The following KIAA1549L variants were observed in gnomAD, a reference collection of about 807,000 sequenced individuals.
KIAA1549L encodes the protein UPF0606 protein KIAA1549L.
A neutral mutation model predicts 160.7 loss-of-function variants in KIAA1549L; 88 were observed. That is an observed-to-expected ratio of 0.55 (90% CI 0.46 to 0.65). The LOEUF (loss-of-function observed/expected upper bound fraction) is 0.65. Ranked by LOEUF, KIAA1549L falls within the 30% of genes least tolerant of loss-of-function variation. The probability of loss-of-function intolerance (pLI) is 0.00; values close to 1 mark genes in which losing one functional copy is unlikely to be tolerated. For synonymous variants in KIAA1549L, 950 were observed against 976.7 expected (o/e 0.97, Z 0.51); for missense variants, 2,258 against 2,437.5 (o/e 0.93, Z 1.55).
rs1487382357 is a variant in KIAA1549L at position 33,618,588 on chromosome 11, C to A, written c.5335C>A (p.Pro1779Thr). Residue 1779 changes from proline to threonine, a missense_variant, in exon 16 of 21, where the codon CCA becomes ACA. Pro to Thr is a conservative substitution (Grantham distance 38). This residue lies in a region of KIAA1549L where 1,359 missense variants were observed against 1,546.6 expected (regional missense o/e 0.88). Coordinates refer to ENST00000658780, the MANE Select transcript of KIAA1549L (RefSeq NM_012194.3). Reference protein sequence around the residue: ...RSRQSLNSPSPGETEMDLLVT... With the variant: ...RSRQSLNSPSTGETEMDLLVT... ...CCGGCAGTCTCTGAACAGCCCGAGT[C>A]CAGGGGAAACCGAGATGGACCTTCT... is the stretch of plus-strand genomic sequence containing the variant. 9 of 1,611,164 alleles carry A rather than the reference C, an allele frequency of 5.6e-6. No individual in the cohort carries two copies. Among genetic ancestry groups the A allele is most frequent in the Non-Finnish European group, 7.6e-6 (9 of 1,178,334 alleles).
At chr11:33,566,231 C>A (rs750734122) in intron 8 of KIAA1549L, among the ~76,000 whole-genome samples, 8 of 152,046 alleles carry the variant, frequency 5.3e-5, no homozygotes. Flanking sequence ...ATAAAATAAT[C>A]CCTGATGACA....
chr11:33,482,991 C>T (rs1454100657), intron 1 of KIAA1549L, among the ~76,000 whole-genome samples: 2 of 152,170 alleles, frequency 1.3e-5, no homozygotes, highest in South Asian at 4.1e-4. Flanking sequence ...ACATAAGCCA[C>T]TATCCAGCTC....
chr11:33,552,283 C>T (rs371277005), intron 6 of KIAA1549L, 42 bp downstream of exon 6: 51 of 1,573,764 alleles, frequency 3.2e-5, no homozygotes, highest in Middle Eastern at 1.7e-4. Flanking sequence ...TGACAGACAA[C>T]CACAATGCAG....
intron 6 of KIAA1549L, among the ~76,000 whole-genome samples, chr11:33,557,127 A>G (rs571701635): frequency 6.6e-6 from 1 of 152,202 alleles, no homozygotes; most frequent in East Asian, 1.9e-4. Flanking sequence ...AGCTGGGACT[A>G]AAGGCATGCA....
At chr11:33,562,176 G>A (rs550336620) in intron 8 of KIAA1549L, among the ~76,000 whole-genome samples, 34 of 152,340 alleles carry the variant, frequency 2.2e-4, no homozygotes, top group African/African-American at 7.9e-4. Flanking sequence ...GGTCTTGACA[G>A]TGAGAGTGTT....
chr11:33,552,232 G>C lies in KIAA1549L; in HGVS notation c.3846G>C (p.Leu1282Phe). 1 of 1,600,806 alleles carries C rather than the reference G, an allele frequency of 6.2e-7. No individual in the cohort carries two copies. The highest frequency in any genetic ancestry group is 8.5e-7 in the Non-Finnish European group (1 of 1,173,354). The change falls in exon 6 of 21, where the codon TTG becomes TTC. Residue 1282 changes from leucine to phenylalanine, a missense_variant. By Grantham distance (22) the Leu-to-Phe change is conservative. Coordinates refer to ENST00000658780, the MANE Select transcript of KIAA1549L (RefSeq NM_012194.3). ...ERKVLNTKSN[L>F]TIQIVSTSNA... is the part of the protein sequence containing the mutation. Reference sequence around the variant, plus strand: ...AAGTCCTGAATACCAAAAGCAACTTGACAATTCAGGTAGGGAGGAAGGTGC... The same window carrying C: ...AAGTCCTGAATACCAAAAGCAACTTCACAATTCAGGTAGGGAGGAAGGTGC...
chr11:33,554,711 A>G (rs989689159), intron 6 of KIAA1549L, among the ~76,000 whole-genome samples: 4 of 152,184 alleles, frequency 2.6e-5, no homozygotes, highest in Non-Finnish European at 5.9e-5. Context: ...AAATGTCCCA[A>G]TGAACTAGGC....
At chr11:33,660,832 T>TA in intron 19 of KIAA1549L, 31 bp from the exon 20 acceptor site, 2 of 1,610,926 alleles carry the variant, frequency 1.2e-6, no homozygotes, top group Non-Finnish European at 1.7e-6. Flanking sequence ...CAGCCTCTCT[T>TA]AACCTCCCTC....
At chr11:33,545,735 A>G (rs948268818) in intron 3 of KIAA1549L, among the ~76,000 whole-genome samples, 1 of 152,184 alleles carries the variant, frequency 6.6e-6, no homozygotes, top group African/African-American at 2.4e-5. Flanking sequence ...TAGTCCTAGG[A>G]TCAGTCCTGA....
At chr11:33,479,316 G>T (rs561699544) in intron 1 of KIAA1549L, among the ~76,000 whole-genome samples, 2 of 152,360 alleles carry the variant, frequency 1.3e-5, no homozygotes, top group East Asian at 3.9e-4. Context: ...CTGCCACCTG[G>T]CCTTCCTTCA....
intron 1 of KIAA1549L, among the ~76,000 whole-genome samples, chr11:33,463,641 A>G (rs906554354): frequency 1.1e-4 from 16 of 152,220 alleles, no homozygotes; most frequent in Non-Finnish European, 1.6e-4. Flanking sequence ...TGGATCACAG[A>G]TAATCTAAAC....
At chr11:33,480,163 C>T (rs1233919698) in intron 1 of KIAA1549L, among the ~76,000 whole-genome samples, 1 of 152,142 alleles carries the variant, frequency 6.6e-6, no homozygotes, top group African/African-American at 2.4e-5. Context: ...ATTCAAATTA[C>T]AAGTTCATTT....
intron 16 of KIAA1549L, among the ~76,000 whole-genome samples, chr11:33,636,546 G>T (rs1851444424): frequency 6.6e-6 from 1 of 152,022 alleles, no homozygotes; most frequent in Admixed American, 6.5e-5. Flanking sequence ...GGCCAGGCTG[G>T]TGTTGAACTC....
At chr11:33,458,838 G>C (rs183754822) in intron 1 of KIAA1549L, among the ~76,000 whole-genome samples, 17 of 152,300 alleles carry the variant, frequency 1.1e-4, no homozygotes, top group African/African-American at 4.1e-4. Flanking sequence ...TGGGCTGATA[G>C]CTTGTGTCCC....
intron 4 of KIAA1549L, among the ~76,000 whole-genome samples, chr11:33,548,991 A>G (rs931549450): frequency 6.6e-6 from 1 of 152,248 alleles, no homozygotes; most frequent in Non-Finnish European, 1.5e-5. Flanking sequence ...AGAGGCTTTT[A>G]TGATTTCTGC....
At position 33,667,927 on chromosome 11, in the gene KIAA1549L, T is replaced by C; in HGVS notation, c.6214T>C (p.Ser2072Pro). 1 of 1,613,522 alleles carries C rather than the reference T, an allele frequency of 6.2e-7. No homozygotes were observed. The part of the protein sequence containing the change: ...AYPRSRYPQS[S>P]PSRLPRQYSQ... ...CCCCCGATCACGGTACCCCCAGAGC[T>C]CTCCCTCCAGGCTTCCTCGTCAGTA... The change falls in exon 21 of 21, where the codon TCT becomes CCT. Residue 2072 changes from serine (S) to proline (P), a missense_variant. Transcript: ENST00000658780.
At chr11:33,643,612 A>T (rs1035029900) in intron 16 of KIAA1549L, among the ~76,000 whole-genome samples, 1 of 152,136 alleles carries the variant, frequency 6.6e-6, no homozygotes, top group Admixed American at 6.5e-5. Flanking sequence ...TGTGGCTAGC[A>T]ACCAGCATGA....
intron 6 of KIAA1549L, among the ~76,000 whole-genome samples, chr11:33,554,132 C>T (rs1232973777): frequency 1.3e-5 from 2 of 152,174 alleles, no homozygotes; most frequent in Non-Finnish European, 2.9e-5. Flanking sequence ...TGCATGGTAA[C>T]TTCATGCTGA....
chr11:33,649,516 A>T (rs1221682289), intron 17 of KIAA1549L, among the ~76,000 whole-genome samples: 2 of 150,900 alleles, frequency 1.3e-5, no homozygotes, highest in Non-Finnish European at 3.0e-5. Flanking sequence ...AAAAAAAAAA[A>T]AAAAAAAAAA....
Sources: gnomAD v4.1 joint callset for allele counts (sites outside exome capture counted in the v4.1 genomes callset) on GRCh38, gnomAD v4.1.1 for gene constraint, gnomAD v4.1.1 regional missense constraint, MANE v1.5 for transcripts, NCBI Gene and HGNC (gene_info 2026-07-23, HGNC 2026-07-21) for gene names.